Variants in SYT1 observed in about 807,000 individuals in gnomAD.
The protein encoded by SYT1 is synaptotagmin-1.
SYT1 carries 8 observed loss-of-function variants against 44.8 expected under a neutral mutation model. The observed-to-expected ratio is 0.18, with a 90% CI of 0.10 to 0.32. SYT1 has a LOEUF of 0.32. SYT1 is among the 10% of genes least tolerant of loss of function. The pLI is 1.00. For missense variants in SYT1, 286 were observed against 509.3 expected (o/e 0.56, Z 4.22); for synonymous variants, 154 against 188.8 (o/e 0.82, Z 1.51).
chr12:79,342,539 G>A (rs1882424935), intron 8 of SYT1, among the ~76,000 whole-genome samples: 2 of 152,194 alleles, frequency 1.3e-5, no homozygotes, highest in Non-Finnish European at 2.9e-5. Context: ...TATTTAAAAG[G>A]TGACTCTGTC....
At chr12:79,298,029 T>A (rs144807064) in intron 7 of SYT1, among the ~76,000 whole-genome samples, 3 of 152,236 alleles carry the variant, frequency 2.0e-5, no homozygotes, top group African/African-American at 7.2e-5. Flanking sequence ...TTATCACAAT[T>A]TAATAGATGA....
chr12:79,077,433 C>T (rs566510496), intron 3 of SYT1, among the ~76,000 whole-genome samples: 2 of 152,112 alleles, frequency 1.3e-5, no homozygotes, highest in East Asian at 3.9e-4. Flanking sequence ...AGTTTCTTGC[C>T]CATTTCCTTT....
intron 8 of SYT1, among the ~76,000 whole-genome samples, chr12:79,325,460 C>A (rs865973935): frequency 1.2e-4 from 18 of 152,210 alleles, no homozygotes; most frequent in African/African-American, 4.3e-4. Context: ...TAATTTCATA[C>A]ACAAAATATA....
At chr12:79,089,518 A>G (rs1245397456) in intron 3 of SYT1, among the ~76,000 whole-genome samples, 1 of 124,894 alleles carries the variant, frequency 8.0e-6, no homozygotes, top group Non-Finnish European at 1.9e-5. Context: ...AAAGAAAAGA[A>G]AAAAAAAAAG....
intron 3 of SYT1, among the ~76,000 whole-genome samples, chr12:79,074,645 A>C (rs753777539): frequency 1.3e-5 from 2 of 152,094 alleles, no homozygotes; most frequent in Non-Finnish European, 2.9e-5. Context: ...GCGACATCCT[A>C]TGTCAGCCTC....
chr12:78,885,799 C>A (rs1439415922), intron 1 of SYT1, among the ~76,000 whole-genome samples: 1 of 151,928 alleles, frequency 6.6e-6, no homozygotes, highest in East Asian at 1.9e-4. Flanking sequence ...GTAACACATC[C>A]AACTTTGATA....
At chr12:79,179,399 C>T (rs377724558) in intron 3 of SYT1, among the ~76,000 whole-genome samples, 1 of 20,960 alleles carries the variant, frequency 4.8e-5, no homozygotes, top group African/African-American at 4.1e-4. Context: ...TATAGATATC[C>T]ATATAGATAT....
At chr12:79,370,668 CAGG>C (rs1289750006) in intron 9 of SYT1, among the ~76,000 whole-genome samples, 4 of 152,106 alleles carry the variant, frequency 2.6e-5, no homozygotes, top group African/African-American at 9.7e-5. Context: ...GAGGCTGAGA[CAGG>C]AGAATGGCGT....
At chr12:79,066,400 T>A (rs1407397819) in intron 3 of SYT1, among the ~76,000 whole-genome samples, 1 of 151,482 alleles carries the variant, frequency 6.6e-6, no homozygotes, top group Non-Finnish European at 1.5e-5. Context: ...AAGCCAGAGG[T>A]ACAGGATGAC....
chr12:78,888,614 T>C (rs1010874266), intron 1 of SYT1, among the ~76,000 whole-genome samples: 1 of 152,000 alleles, frequency 6.6e-6, no homozygotes, highest in South Asian at 2.1e-4. Context: ...TCTAATCTTG[T>C]TGGAGTTGTT....
At chr12:79,383,492 G>A (rs1884308303) in intron 9 of SYT1, among the ~76,000 whole-genome samples, 2 of 152,152 alleles carry the variant, frequency 1.3e-5, no homozygotes, top group African/African-American at 2.4e-5. Context: ...AGTATAGATG[G>A]CTATTCAAGA....
chr12:79,018,483 A>T (rs1018198713), intron 2 of SYT1, among the ~76,000 whole-genome samples: 3 of 152,108 alleles, frequency 2.0e-5, no homozygotes, highest in African/African-American at 7.2e-5. Flanking sequence ...CCTAAAACTT[A>T]AAGTATAATA....
chr12:79,417,777 T>C lies in SYT1; in HGVS notation c.929-26296T>C, dbSNP rs372992634. Among the ~76,000 whole-genome samples the C allele has an allele frequency of 6.2e-4, 95 of 152,142 alleles. 1 individual carries two copies. Among genetic ancestry groups the C allele is most frequent in the African/African-American group, 2.0e-3 (83 of 41,516 alleles). On this transcript the variant is annotated intron_variant, in intron 9 of 10. Transcript: ENST00000261205. The stretch of plus-strand genomic sequence containing the variant: ...TGTCAGTGCTCTCCCTGAACTGTCA[T>C]CATAGTATCCCCCCACTCCCACCCC...
intron 4 of SYT1, among the ~76,000 whole-genome samples, chr12:79,248,449 A>T (rs1263383394): frequency 6.6e-6 from 1 of 152,246 alleles, no homozygotes; most frequent in Non-Finnish European, 1.5e-5. Context: ...ATAGCATGAA[A>T]GCCAGAGACC....
At chr12:78,943,068 A>G (rs184088317) in intron 1 of SYT1, among the ~76,000 whole-genome samples, 16 of 152,308 alleles carry the variant, frequency 1.1e-4, no homozygotes, top group Admixed American at 2.6e-4. Context: ...ATTGACTAAG[A>G]AGAAGATATT....
chr12:79,154,005 A>G (rs1870439658), intron 3 of SYT1, among the ~76,000 whole-genome samples: 1 of 152,132 alleles, frequency 6.6e-6, no homozygotes, highest in African/African-American at 2.4e-5. Flanking sequence ...CAAATCTGAG[A>G]ATCAAGCCCC....
chr12:79,347,284 A>G (rs557047793), intron 8 of SYT1, among the ~76,000 whole-genome samples: 2 of 152,174 alleles, frequency 1.3e-5, no homozygotes, highest in East Asian at 3.9e-4. Context: ...ATAGCTCATA[A>G]CTGAGTTCCC....
chr12:79,183,833 C>G (rs1872668397), intron 3 of SYT1, among the ~76,000 whole-genome samples: 1 of 152,052 alleles, frequency 6.6e-6, no homozygotes, highest in Non-Finnish European at 1.5e-5. Context: ...AGTTCTGTGC[C>G]TGCTGGGCAT....
chr12:79,024,177 G>T (rs377124192), intron 2 of SYT1, among the ~76,000 whole-genome samples: 7 of 151,794 alleles, frequency 4.6e-5, no homozygotes, highest in South Asian at 2.1e-4. Context: ...GGAAATTGGG[G>T]CTGGAAATAG....
Sources: allele counts gnomAD v4.1 joint callset (sites outside exome capture counted in the v4.1 genomes callset), GRCh38; gene constraint gnomAD v4.1.1; transcripts MANE v1.5; gene names NCBI Gene and HGNC (gene_info 2026-07-23, HGNC 2026-07-21).